Variants in CWH43 observed in about 807,000 individuals in gnomAD.
CWH43 encodes PGAP2-interacting protein.
Under a neutral mutation model 85.7 loss-of-function variants are expected in CWH43, and 91 were observed. The ratio of observed to expected loss-of-function variants is 1.06; its 90% CI spans 0.90 to 1.26. The LOEUF is 1.26. CWH43 is among the 50% of genes most tolerant of loss of function. The probability of loss-of-function intolerance (pLI) is 0.00; values close to 1 mark genes in which losing one functional copy is unlikely to be tolerated. For synonymous variants in CWH43, 323 were observed against 293.6 expected (o/e 1.10, Z -1.02); for missense variants, 869 against 839.2 (o/e 1.04, Z -0.44).
chr4:49,029,612 G>A (rs949482717), intron 10 of CWH43, among the ~76,000 whole-genome samples: 2 of 152,238 alleles, frequency 1.3e-5, no homozygotes, highest in African/African-American at 4.8e-5. Flanking sequence ...ATGTCCCTGG[G>A]AATGGAATGT....
intron 15 of CWH43, among the ~76,000 whole-genome samples, chr4:49,051,553 CAT>C (rs1422033258): frequency 5.3e-5 from 8 of 152,306 alleles, no homozygotes; most frequent in Non-Finnish European, 7.3e-5. Flanking sequence ...ATTTACATCA[CAT>C]GTGAAAAATT....
intron 15 of CWH43, among the ~76,000 whole-genome samples, chr4:49,055,386 G>T (rs890904370): frequency 6.6e-6 from 1 of 152,040 alleles, no homozygotes; most frequent in African/African-American, 2.4e-5. Flanking sequence ...TCCTTTTAAG[G>T]TACTGTTGAA....
intron 12 of CWH43, among the ~76,000 whole-genome samples, chr4:49,032,916 G>T (rs528320343): frequency 1.3e-5 from 2 of 152,194 alleles, no homozygotes; most frequent in African/African-American, 4.8e-5. Context: ...GGGACAGGCC[G>T]TGTTAGTCTG....
chr4:49,010,182 A>T (rs1322362665), intron 8 of CWH43, among the ~76,000 whole-genome samples: 2 of 152,034 alleles, frequency 1.3e-5, no homozygotes, highest in Non-Finnish European at 2.9e-5. Flanking sequence ...CAGAGATTCA[A>T]CTTCTTCCTA....
chr4:49,051,494 G>C (rs570258819), intron 15 of CWH43, among the ~76,000 whole-genome samples: 1 of 152,172 alleles, frequency 6.6e-6, no homozygotes, highest in African/African-American at 2.4e-5. Context: ...TTATTTCCAG[G>C]TTATTCTAAT....
At chr4:49,019,772 A>T (rs1783679116) in intron 9 of CWH43, among the ~76,000 whole-genome samples, 1 of 151,694 alleles carries the variant, frequency 6.6e-6, no homozygotes, top group African/African-American at 2.4e-5. Flanking sequence ...CAGAGACAGG[A>T]TTTCACCATG....
At chr4:49,045,653 T>G (rs1784600132) in intron 14 of CWH43, among the ~76,000 whole-genome samples, 1 of 152,182 alleles carries the variant, frequency 6.6e-6, no homozygotes, top group African/African-American at 2.4e-5. Flanking sequence ...CATCCAGGCT[T>G]GTGTAAGTAT....
intron 14 of CWH43, among the ~76,000 whole-genome samples, chr4:49,048,653 AGTGAGCTCTCTG>A (rs1168400273): frequency 6.6e-6 from 1 of 151,756 alleles, no homozygotes; most frequent in Admixed American, 6.6e-5. Flanking sequence ...GCAGAGAGAG[AGTGAGCTCTCTG>A]GTGTCTCTTC....
At chr4:49,017,409 G>A (rs1225042881) in intron 9 of CWH43, 81 bp downstream of exon 9, 2 of 1,039,210 alleles carry the variant, frequency 1.9e-6, no homozygotes, top group Non-Finnish European at 2.9e-6. Context: ...CATTCTGATT[G>A]AACCTGGATC....
At chr4:49,033,014 CA>C (rs1196658022) in intron 12 of CWH43, among the ~76,000 whole-genome samples, 1 of 152,084 alleles carries the variant, frequency 6.6e-6, no homozygotes, top group Non-Finnish European at 1.5e-5. Context: ...GTAGGGTAAG[CA>C]CTCTTAGAGC....
At chr4:49,056,131 G>T (rs1784949919) in intron 15 of CWH43, among the ~76,000 whole-genome samples, 1 of 126,098 alleles carries the variant, frequency 7.9e-6, no homozygotes, top group Admixed American at 9.8e-5. Flanking sequence ...TGATCTCATT[G>T]TTCAATTCCC....
chr4:49,032,787 A>G, intron 12 of CWH43, 72 bp downstream of exon 12: 3 of 1,515,080 alleles, frequency 2.0e-6, no homozygotes, highest in Non-Finnish European at 2.7e-6. Context: ...TTTGATTTCT[A>G]TGAAATCACC....
chr4:49,029,642 A>T (rs1259045103), intron 10 of CWH43, among the ~76,000 whole-genome samples: 1 of 152,220 alleles, frequency 6.6e-6, no homozygotes, highest in Non-Finnish European at 1.5e-5. Flanking sequence ...AAATCCAATT[A>T]TACATTTGTT....
chr4:48,997,443 A>G (rs1782849366), intron 5 of CWH43, among the ~76,000 whole-genome samples: 1 of 152,144 alleles, frequency 6.6e-6, no homozygotes, highest in Non-Finnish European at 1.5e-5. Flanking sequence ...ATCGTTGTTC[A>G]TTGATGCATC....
chr4:49,020,511 G>T (rs1402794745), intron 9 of CWH43, among the ~76,000 whole-genome samples: 1 of 151,858 alleles, frequency 6.6e-6, no homozygotes, highest in Admixed American at 6.6e-5. Context: ...TTGTGCTGCT[G>T]TAAACATGTA....
chr4:49,003,486 C>T (rs1783056963), intron 6 of CWH43: 2 of 455,658 alleles, frequency 4.4e-6, no homozygotes, highest in South Asian at 1.0e-4. Context: ...TTTCACTCCT[C>T]CTGCCCTTTC....
chr4:49,039,057 C>CA (rs1015132882), intron 13 of CWH43, among the ~76,000 whole-genome samples: 2 of 130,618 alleles, frequency 1.5e-5, no homozygotes, highest in African/African-American at 5.6e-5. Context: ...GACTCTGTCT[C>CA]AAAAAAATAT....
chr4:49,014,063 TAAG>T (rs1263027727), intron 8 of CWH43, among the ~76,000 whole-genome samples: 1 of 152,166 alleles, frequency 6.6e-6, no homozygotes, highest in Non-Finnish European at 1.5e-5. Context: ...AAAAAACAAT[TAAG>T]AAGCTGTATA....
At chr4:49,057,820 A>C (rs1459943987) in intron 15 of CWH43, among the ~76,000 whole-genome samples, 1 of 152,078 alleles carries the variant, frequency 6.6e-6, no homozygotes, top group African/African-American at 2.4e-5. Context: ...ATATATTTAT[A>C]ATTATTATAT....
Sources: gnomAD v4.1 joint callset for allele counts (sites outside exome capture counted in the v4.1 genomes callset) on GRCh38, gnomAD v4.1.1 for gene constraint, MANE v1.5 for transcripts, NCBI Gene and HGNC (gene_info 2026-07-23, HGNC 2026-07-21) for gene names.